The following ENTHD1 variants were observed in gnomAD, a reference collection of about 807,000 sequenced individuals.
ENTHD1 encodes the protein ENTH domain containing 1.
ENTHD1 carries 23 observed loss-of-function variants against 39.1 expected under a neutral mutation model. That is an observed-to-expected ratio of 0.59 (90% CI 0.42 to 0.83). The LOEUF is 0.83. Among genes scored for constraint, ENTHD1 ranks in the 40% least tolerant of loss-of-function variants. The pLI is 0.00. For missense variants in ENTHD1, 624 were observed against 705.4 expected (o/e 0.88, Z 1.31); for synonymous variants, 230 against 258.2 (o/e 0.89, Z 1.05).
At chr22:39,859,919 G>A (rs1018532787) in intron 3 of ENTHD1, among the ~76,000 whole-genome samples, 1 of 152,142 alleles carries the variant, frequency 6.6e-6, no homozygotes. Flanking sequence ...ATCGATCGAG[G>A]TATGCCTGTA....
intron 3 of ENTHD1, among the ~76,000 whole-genome samples, chr22:39,843,531 A>G (rs1208079010): frequency 3.9e-5 from 6 of 151,958 alleles, no homozygotes; most frequent in African/African-American, 1.2e-4. Flanking sequence ...TAGTGGGTGC[A>G]GCGCACCAGC....
chr22:39,874,794 T>C (rs2146751569), intron 2 of ENTHD1, among the ~76,000 whole-genome samples: 1 of 152,244 alleles, frequency 6.6e-6, no homozygotes, highest in South Asian at 2.1e-4. Context: ...TTCAGGGAAA[T>C]GCAAATTAAA....
chr22:39,747,238 C>T (rs547719349), intron 6 of ENTHD1, among the ~76,000 whole-genome samples: 2 of 152,326 alleles, frequency 1.3e-5, no homozygotes, highest in East Asian at 1.9e-4. Context: ...ATCCTCACTC[C>T]TCAGCCTCCC....
chr22:39,884,166 C>A (rs1449541207), intron 2 of ENTHD1, among the ~76,000 whole-genome samples: 1 of 151,894 alleles, frequency 6.6e-6, no homozygotes, highest in Non-Finnish European at 1.5e-5. Flanking sequence ...AAAATTCTAG[C>A]CAAATTCTAG....
chr22:39,752,298 G>A (rs1278837880), intron 6 of ENTHD1, among the ~76,000 whole-genome samples: 2 of 152,104 alleles, frequency 1.3e-5, no homozygotes, highest in Non-Finnish European at 2.9e-5. Context: ...AGTGAAATAA[G>A]TCAGACACAA....
intron 5 of ENTHD1, among the ~76,000 whole-genome samples, chr22:39,784,474 C>G (rs1022695332): frequency 2.0e-5 from 3 of 151,602 alleles, no homozygotes; most frequent in Admixed American, 2.0e-4. Flanking sequence ...CTATTCACAA[C>G]AGCCAACATA....
At chr22:39,849,217 C>T (rs2066015727) in intron 3 of ENTHD1, among the ~76,000 whole-genome samples, 1 of 152,172 alleles carries the variant, frequency 6.6e-6, no homozygotes, top group Admixed American at 6.5e-5. Flanking sequence ...ATCAGTACAT[C>T]AAATTCAACT....
intron 5 of ENTHD1, among the ~76,000 whole-genome samples, chr22:39,789,299 T>C (rs1186740948): frequency 6.6e-6 from 1 of 152,202 alleles, no homozygotes; most frequent in African/African-American, 2.4e-5. Context: ...TTATTGTGTT[T>C]CATCTTTCTC....
chr22:39,867,931 A>G lies in ENTHD1; in HGVS notation c.350-5924T>C, dbSNP rs1356917812. On this transcript the variant is annotated intron_variant, in intron 2 of 6. Coordinates refer to ENST00000325157, the MANE Select transcript of ENTHD1 (RefSeq NM_152512.4). The surrounding 1 kb of genome is among the most constrained non-coding windows in gnomAD (Gnocchi z 4.5). ...ATAAAAACCCCCACGAAGCAGAAAT[A>G]TAACAGAAATGAAAAAGCAGTGAGC... is the stretch of plus-strand genomic sequence containing the variant. Among the ~76,000 whole-genome samples the G allele has an allele frequency of 6.6e-6, 1 of 152,196 alleles. No homozygotes were observed. The highest frequency in any genetic ancestry group is 1.9e-4 in the East Asian group (1 of 5,200).
intron 3 of ENTHD1, among the ~76,000 whole-genome samples, chr22:39,855,484 T>C (rs1680933463): frequency 6.6e-6 from 1 of 151,914 alleles, no homozygotes; most frequent in Admixed American, 6.6e-5. Context: ...TCTTCCTTAA[T>C]AACAGAATCT....
intron 5 of ENTHD1, among the ~76,000 whole-genome samples, chr22:39,801,420 C>T (rs2146616767): frequency 6.6e-6 from 1 of 152,350 alleles, no homozygotes; most frequent in East Asian, 1.9e-4. Context: ...CTCTCTAAGG[C>T]ACTTCTAGAG....
intron 4 of ENTHD1, among the ~76,000 whole-genome samples, chr22:39,834,911 A>C (rs964626524): frequency 2.0e-5 from 3 of 152,308 alleles, no homozygotes; most frequent in African/African-American, 4.8e-5. Context: ...ATATAACGTT[A>C]TAGACATGAC....
intron 4 of ENTHD1, among the ~76,000 whole-genome samples, chr22:39,834,797 G>C (rs549719959): frequency 2.3e-4 from 35 of 152,268 alleles, no homozygotes; most frequent in Admixed American, 9.8e-4. Context: ...GCAACAAAAA[G>C]GGATGCATTA....
intron 3 of ENTHD1, among the ~76,000 whole-genome samples, chr22:39,850,070 T>G (rs935418022): frequency 6.6e-6 from 1 of 152,164 alleles, no homozygotes; most frequent in African/African-American, 2.4e-5. Context: ...ATGAAACAGA[T>G]TTTTGGAAAT....
intron 5 of ENTHD1, among the ~76,000 whole-genome samples, chr22:39,802,304 C>T (rs964882042): frequency 1.3e-5 from 2 of 152,102 alleles, no homozygotes; most frequent in African/African-American, 2.4e-5. Context: ...CAGAGAAAAC[C>T]GTCTGTTTTT....
intron 4 of ENTHD1, among the ~76,000 whole-genome samples, chr22:39,830,511 G>A (rs1032728705): frequency 6.6e-5 from 10 of 152,126 alleles, no homozygotes; most frequent in African/African-American, 2.4e-4. Context: ...AAAGGCATCA[G>A]GAACAGAAAG....
intron 5 of ENTHD1, among the ~76,000 whole-genome samples, chr22:39,769,312 G>A (rs529262004): frequency 2.0e-5 from 3 of 152,294 alleles, no homozygotes; most frequent in East Asian, 3.9e-4. Context: ...GTGATTTAAA[G>A]AAGCACAAAC....
At chr22:39,868,350 TAAAAA>T (rs535956120) in intron 2 of ENTHD1, among the ~76,000 whole-genome samples, 3 of 126,602 alleles carry the variant, frequency 2.4e-5, no homozygotes, top group African/African-American at 5.8e-5. Flanking sequence ...TTTATTTTAT[TAAAAA>T]AAAAAAAAAA....
At chr22:39,879,121 C>A (rs2146761227) in intron 2 of ENTHD1, among the ~76,000 whole-genome samples, 1 of 151,948 alleles carries the variant, frequency 6.6e-6, no homozygotes. Context: ...TAAAAACAAA[C>A]AACCTGACTT....
Sources: gnomAD v4.1 joint callset for allele counts (sites outside exome capture counted in the v4.1 genomes callset) on GRCh38, gnomAD v4.1.1 for gene constraint, Gnocchi (gnomAD v3.1) non-coding constraint, MANE v1.5 for transcripts, NCBI Gene and HGNC (gene_info 2026-07-23, HGNC 2026-07-21) for gene names.